Variants in GRM1 observed in about 807,000 individuals in gnomAD.
GRM1 encodes the protein metabotropic glutamate receptor 1.
In GRM1, 33 loss-of-function variants were observed where a neutral mutation model predicts 90.9. That is an observed-to-expected ratio of 0.36 (90% CI 0.28 to 0.49). GRM1 has a LOEUF of 0.49. GRM1 is among the 20% of genes least tolerant of loss of function. The pLI is 0.99. For synonymous variants in GRM1, 700 were observed against 613.2 expected, an observed-to-expected ratio of 1.14 and a Z score of -2.09; for missense variants, 1,190 against 1,534.3, an observed-to-expected ratio of 0.78 and a Z score of 3.75.
rs148749317 is a variant in GRM1 at position 146,090,267 on chromosome 6, T to C, written c.700+60050T>C. ...CAGCAGTCTTCATGATGCCAATAGG[T>C]TAATTTATCCTAAATTCTATTTTTA... is the stretch of plus-strand genomic sequence containing the variant. On this transcript the variant is annotated intron_variant, in intron 1 of 7. Coordinates refer to ENST00000282753, the MANE Select transcript of GRM1 (RefSeq NM_001278064.2). Among the ~76,000 whole-genome samples the C allele has an allele frequency of 7.7e-3, 1,173 of 152,182 alleles. 17 individuals carry two copies. Among genetic ancestry groups the C allele is most frequent in the African/African-American group, 0.026 (1,087 of 41,536 alleles).
intron 2 of GRM1, among the ~76,000 whole-genome samples, chr6:146,168,681 T>G (rs56832496): frequency 0.12 from 18,769 of 151,998 alleles, 2,111 homozygotes; most frequent in African/African-American, 0.29. Context: ...TGCCTGCAAA[T>G]GTTTTAATTT....
intron 1 of GRM1, among the ~76,000 whole-genome samples, chr6:146,115,021 C>T (rs1775689169): frequency 6.6e-6 from 1 of 152,048 alleles, no homozygotes; most frequent in Non-Finnish European, 1.5e-5. Context: ...CTTTCAGATA[C>T]TAAGATTATA....
chr6:146,423,471 T>G (rs560558895), intron 7 of GRM1, among the ~76,000 whole-genome samples: 19 of 152,274 alleles, frequency 1.2e-4, no homozygotes, highest in African/African-American at 4.3e-4. Flanking sequence ...CTCTATTTTT[T>G]TTTTTTTTCA....
chr6:146,299,854 C>G (rs892038001), intron 2 of GRM1, among the ~76,000 whole-genome samples: 5 of 152,016 alleles, frequency 3.3e-5, no homozygotes, highest in Non-Finnish European at 5.9e-5. Context: ...CCTGAGTTCC[C>G]CACAACCTCA....
intron 1 of GRM1, among the ~76,000 whole-genome samples, chr6:146,060,740 A>C (rs1423620594): frequency 6.6e-6 from 1 of 152,130 alleles, no homozygotes; most frequent in African/African-American, 2.4e-5. Flanking sequence ...TGGTAGAATG[A>C]TTTATATTCA....
At chr6:146,186,209 C>T (rs960177032) in intron 2 of GRM1, among the ~76,000 whole-genome samples, 1 of 151,546 alleles carries the variant, frequency 6.6e-6, no homozygotes, top group Admixed American at 6.6e-5. Flanking sequence ...AACTCCTGAC[C>T]TCAAGTGATT....
At chr6:146,263,494 A>G (rs535592495) in intron 2 of GRM1, among the ~76,000 whole-genome samples, 1 of 152,102 alleles carries the variant, frequency 6.6e-6, no homozygotes, top group South Asian at 2.1e-4. Context: ...TTCTAAGTGT[A>G]TGTTCAAAAA....
chr6:146,134,499 A>G (rs1776533320), intron 1 of GRM1, among the ~76,000 whole-genome samples: 1 of 152,198 alleles, frequency 6.6e-6, no homozygotes, highest in African/African-American at 2.4e-5. Flanking sequence ...GGGAGGCCTC[A>G]GGAAACTTAC....
chr6:146,403,825 T>C (rs957670124), intron 7 of GRM1, among the ~76,000 whole-genome samples: 18 of 152,254 alleles, frequency 1.2e-4, no homozygotes, highest in African/African-American at 4.1e-4. Flanking sequence ...TTTTATTATT[T>C]TTAATTGACA....
chr6:146,161,543 C>T (rs1420178879), intron 2 of GRM1, among the ~76,000 whole-genome samples: 4 of 152,058 alleles, frequency 2.6e-5, no homozygotes, highest in African/African-American at 9.7e-5. Context: ...CTCTTTTATT[C>T]CTCTTACCTG....
intron 1 of GRM1, among the ~76,000 whole-genome samples, chr6:146,064,082 C>T (rs184908943): frequency 6.3e-4 from 96 of 152,168 alleles, no homozygotes; most frequent in African/African-American, 1.9e-3. Flanking sequence ...CCTAAATTAG[C>T]ATGTTAGTTT....
chr6:146,045,887 C>T lies in GRM1; in HGVS notation c.700+15670C>T, dbSNP rs189467385. On this transcript the variant is annotated intron_variant, in intron 1 of 7. Coordinates refer to ENST00000282753, the MANE Select transcript of GRM1 (RefSeq NM_001278064.2). ...ATTACATTTACTGGCAATTAAAGCTCACAGATGTTATATTTTTCTCAATCA... is the reference window on the plus strand; with the variant it reads ...ATTACATTTACTGGCAATTAAAGCTTACAGATGTTATATTTTTCTCAATCA... 1.9e-3 allele frequency among the ~76,000 whole-genome samples: 286 copies of T among 151,682 alleles called. 1 individual carries two copies. Among genetic ancestry groups the T allele is most frequent in the Non-Finnish European group, 2.9e-3 (199 of 67,856 alleles).
chr6:146,038,018 C>T lies in GRM1; in HGVS notation c.700+7801C>T, dbSNP rs529791369. ...TATCATCTTGTAATAAAAGTCCTTT[C>T]GCAGAGAAAATAAACTTTCAATGTA... On this transcript the variant is annotated intron_variant, in intron 1 of 7. Coordinates refer to ENST00000282753, the MANE Select transcript of GRM1 (RefSeq NM_001278064.2). Among the ~76,000 whole-genome samples the T allele has an allele frequency of 3.3e-5, 5 of 152,072 alleles. No homozygotes were observed. In the East Asian group the frequency reaches 5.8e-4, roughly 18 times the overall value.
intron 2 of GRM1, among the ~76,000 whole-genome samples, chr6:146,190,275 G>A (rs1211925148): frequency 6.6e-6 from 1 of 152,182 alleles, no homozygotes; most frequent in Non-Finnish European, 1.5e-5. Context: ...CCACAAATAA[G>A]CATGGAGTCT....
At chr6:146,276,193 C>A (rs964857886) in intron 2 of GRM1, among the ~76,000 whole-genome samples, 1 of 151,994 alleles carries the variant, frequency 6.6e-6, no homozygotes, top group East Asian at 1.9e-4. Context: ...TGGTTATTAC[C>A]GGGTACCACC....
At chr6:146,191,074 C>T (rs1374506523) in intron 2 of GRM1, among the ~76,000 whole-genome samples, 1 of 152,202 alleles carries the variant, frequency 6.6e-6, no homozygotes, top group Non-Finnish European at 1.5e-5. Flanking sequence ...CATGCTCTAT[C>T]TCTGCTGTTT....
chr6:146,276,969 A>C lies in GRM1; in HGVS notation c.951-27642A>C, dbSNP rs374731421. Among the ~76,000 whole-genome samples, 3 of 152,210 alleles carry C rather than the reference A, an allele frequency of 2.0e-5. No individual in the cohort carries two copies. In the East Asian group the frequency reaches 5.8e-4, roughly 29 times the overall value. ...ATAAATTAATAAAAATTAGTTGGGC[A>C]TGTTGGGGCAAACCTGTAGTCCCAG... On this transcript the variant is annotated intron_variant, in intron 2 of 7. Transcript: ENST00000282753.
At chr6:146,154,342 C>T (rs1777444452) in intron 1 of GRM1, among the ~76,000 whole-genome samples, 1 of 152,150 alleles carries the variant, frequency 6.6e-6, no homozygotes, top group African/African-American at 2.4e-5. Flanking sequence ...GAGAAAGTGG[C>T]ATCTGACTTC....
chr6:146,409,012 A>G (rs1777461187), intron 7 of GRM1, among the ~76,000 whole-genome samples: 1 of 152,208 alleles, frequency 6.6e-6, no homozygotes, highest in Non-Finnish European at 1.5e-5. Flanking sequence ...AGGGTCATTA[A>G]TTAGAATACT....
Sources: gnomAD v4.1 joint callset for allele counts (sites outside exome capture counted in the v4.1 genomes callset) on GRCh38, gnomAD v4.1.1 for gene constraint, MANE v1.5 for transcripts, NCBI Gene and HGNC (gene_info 2026-07-23, HGNC 2026-07-21) for gene names.